The following ICE2 variants were observed in gnomAD, a reference collection of about 807,000 sequenced individuals.
ICE2 encodes interactor of little elongation complex ELL subunit 2, also known as little elongation complex subunit 2.
In ICE2, 87 loss-of-function variants were observed where a neutral mutation model predicts 105.4. The ratio of observed to expected loss-of-function variants is 0.83; its 90% confidence interval spans 0.69 to 0.99. ICE2 has a LOEUF of 0.99. Among genes scored for constraint, ICE2 ranks in the 50% least tolerant of loss-of-function variants. ICE2 has a pLI of 0.00. For synonymous variants in ICE2, 399 were observed against 392.0 expected, an observed-to-expected ratio of 1.02 and a Z score of -0.21; for missense variants, 1,323 against 1,146.7, an observed-to-expected ratio of 1.15 and a Z score of -2.22.
chr15:60,473,916 TC>T (rs747285909), intron 3 of ICE2, among the ~76,000 whole-genome samples: 32 of 152,082 alleles, frequency 2.1e-4, no homozygotes, highest in Non-Finnish European at 3.8e-4. Context: ...AAAAATTGTC[TC>T]TTTTTTTTGT....
intron 5 of ICE2, among the ~76,000 whole-genome samples, chr15:60,458,267 T>C (rs1401262376): frequency 1.3e-5 from 2 of 152,156 alleles, no homozygotes; most frequent in East Asian, 3.8e-4. Flanking sequence ...AGTTAAAAGA[T>C]TCAGGCTGTT....
Position 60,423,638 on chromosome 15 carries a change from G to C in ICE2, c.2945C>G (p.Thr982Ser). ...EGVAPHKRKI[T>S] is the part of the protein sequence containing the mutation. ...TAGTTTTCCATGGTACAGTCCTCAA[G>C]TTATTTTTCTTTTATGTGGAGCCAC... Residue 982 changes from threonine (T) to serine (S), a missense_variant, in exon 16 of 16, where the codon ACT becomes AGT. Physicochemically the swap from Thr to Ser is moderately conservative, Grantham distance 58 (BLOSUM62 1). Transcript: ENST00000261520. The C allele has an allele frequency of 6.2e-7, 1 of 1,606,096 alleles. No individual in the cohort carries two copies. The highest frequency in any genetic ancestry group is 8.5e-7 in the Non-Finnish European group (1 of 1,177,280).
At chr15:60,433,592 G>A (rs888284816) in intron 13 of ICE2, among the ~76,000 whole-genome samples, 1 of 151,834 alleles carries the variant, frequency 6.6e-6, no homozygotes, top group Non-Finnish European at 1.5e-5. Flanking sequence ...CTGGGTTCAA[G>A]CGATTCTCCT....
intron 14 of ICE2, among the ~76,000 whole-genome samples, chr15:60,429,685 G>A (rs1377624355): frequency 2.6e-5 from 4 of 152,040 alleles, no homozygotes; most frequent in South Asian, 4.1e-4. Flanking sequence ...AAACCTAATC[G>A]GTTACATTTT....
rs759181992 is a variant in ICE2 at position 60,449,066 on chromosome 15, G to C, written c.1901C>G (p.Pro634Arg). Residue 634 changes from proline (P) to arginine (R), a missense_variant, in exon 10 of 16, where the codon CCT (proline) becomes CGT (arginine). Transcript: ENST00000261520. ...SPEESCVLKK[P>R]IKRVYKKFDP... Reference sequence around the variant, plus strand: ...AAATTTTTTATATACTCGTTTGATAGGTTTTTTTAAAACACATGACTCTTC... The same window carrying C: ...AAATTTTTTATATACTCGTTTGATACGTTTTTTTAAAACACATGACTCTTC... 9.3e-6 allele frequency: 15 copies of C among 1,613,268 alleles called. No homozygotes were observed. In the Admixed American group the frequency reaches 1.0e-4, roughly 11 times the overall value.
At chr15:60,434,455 G>A (rs972555945) in intron 13 of ICE2, among the ~76,000 whole-genome samples, 1 of 151,662 alleles carries the variant, frequency 6.6e-6, no homozygotes, top group Non-Finnish European at 1.5e-5. Flanking sequence ...TGGAGATGGA[G>A]ATAATATAAA....
chr15:60,445,906 A>C (rs2032976110), intron 11 of ICE2: 1 of 340,492 alleles, frequency 2.9e-6, no homozygotes, highest in East Asian at 1.7e-4. Flanking sequence ...AACCTTGAAA[A>C]TACAATCTAT....
At chr15:60,454,909 T>C (rs2064061346) in intron 8 of ICE2, 94 bp downstream of exon 8, 2 of 1,143,634 alleles carry the variant, frequency 1.7e-6, no homozygotes, top group Non-Finnish European at 2.4e-6. Flanking sequence ...TCTGGGTCCA[T>C]GTGTTCTCAT....
intron 12 of ICE2, chr15:60,441,839 A>G (rs1423334647): frequency 1.3e-5 from 2 of 152,254 alleles, no homozygotes; most frequent in Non-Finnish European, 2.9e-5. Flanking sequence ...AACAAAAACA[A>G]AGGAAAAAGT....
intron 11 of ICE2, among the ~76,000 whole-genome samples, chr15:60,444,226 T>C (rs958688522): frequency 3.9e-5 from 6 of 152,138 alleles, no homozygotes; most frequent in African/African-American, 1.4e-4. Flanking sequence ...GTTAATTCCA[T>C]ATATTTAAAA....
At chr15:60,426,248 G>T (rs2063335673) in intron 15 of ICE2, among the ~76,000 whole-genome samples, 1 of 152,138 alleles carries the variant, frequency 6.6e-6, no homozygotes, top group East Asian at 1.9e-4. Flanking sequence ...ATCATCTAGT[G>T]ATGTCACAGC....
In ICE2 at chr15:60,422,928, C is replaced by T. The variant is rs1390179456; in HGVS notation, c.*706G>A. 2.0e-5 allele frequency: 3 copies of T among 152,460 alleles called. No homozygotes were observed. The highest frequency in any genetic ancestry group is 4.4e-5 in the Non-Finnish European group (3 of 68,028). 9.4% of individuals were successfully genotyped at this position (152,460 alleles called of 1,614,324 possible). ...TTTTTTCTGGAAAACATACCTATCT[C>T]TTTGCTTTCAGCAGTGTATTTCAAC... is the stretch of plus-strand genomic sequence containing the variant. On this transcript the variant is annotated 3_prime_UTR_variant, in exon 16 of 16. Transcript: ENST00000261520.
intron 8 of ICE2, chr15:60,454,761 A>C (rs567164313): frequency 8.2e-6 from 3 of 366,342 alleles, no homozygotes; most frequent in Non-Finnish European, 1.5e-5. Context: ...ATAGCTATAC[A>C]TGTGCCATGG....
At chr15:60,433,979 C>G (rs1000258485) in intron 13 of ICE2, among the ~76,000 whole-genome samples, 3 of 152,046 alleles carry the variant, frequency 2.0e-5, no homozygotes, top group African/African-American at 7.2e-5. Context: ...ATCTGGGACC[C>G]TTAAAAAACA....
intron 4 of ICE2, 56 bp from the exon 5 acceptor site, chr15:60,466,769 C>G: frequency 7.2e-7 from 1 of 1,390,196 alleles, no homozygotes; most frequent in Non-Finnish European, 9.9e-7. Flanking sequence ...TAAAAAGAAT[C>G]ACATTCTTAA....
chr15:60,449,035 T>C lies in ICE2; in HGVS notation c.1932A>G (p.Pro644=), dbSNP rs780354921. Residue 644 remains proline, a synonymous_variant, in exon 10 of 16, where the codon CCA becomes CCG. Coordinates refer to ENST00000261520, the MANE Select transcript of ICE2 (RefSeq NM_024611.6). ...CCTGCATTTTTAAAATCTCTCCAAC[T>C]GGATCAAATTTTTTATATACTCGTT... ...PIKRVYKKFD[P]VGEILKMQDE... The C allele has an allele frequency of 6.2e-7, 1 of 1,613,446 alleles. No individual in the cohort carries two copies. The highest frequency in any genetic ancestry group is 1.7e-5 in the Admixed American group (1 of 59,918).
chr15:60,428,667 A>G lies in ICE2; in HGVS notation c.2582T>C (p.Leu861Ser), dbSNP rs1368956461. ...KLSSLQEGSY[L>S]LSHAAEDSSL... Reference sequence around the variant, plus strand: ...AGAATCTTCTGCTGCATGAGATAACAAGTAGGAACCCTCCTGCAAGCTAAA... The same window carrying G: ...AGAATCTTCTGCTGCATGAGATAACGAGTAGGAACCCTCCTGCAAGCTAAA... Residue 861 changes from leucine to serine, a missense_variant, in exon 15 of 16, where the codon TTG becomes TCG. Leu to Ser is a moderately radical substitution (Grantham distance 145). Transcript: ENST00000261520. 1.2e-6 allele frequency: 2 copies of G among 1,613,922 alleles called. No homozygotes were observed. Among genetic ancestry groups the G allele is most frequent in the African/African-American group, 2.7e-5 (2 of 74,928 alleles).
At position 60,422,838 on chromosome 15, in the gene ICE2, C is replaced by CAAAAAAA. The variant is rs879847644; in HGVS notation, c.*789_*795dup. On this transcript the variant is annotated 3_prime_UTR_variant, in exon 16 of 16. Transcript: ENST00000261520. ...TGGGCAACAGAGCGAGACTCCATCT[C>CAAAAAAA]AAAAAAAAAAAAAAGCTTATGCTTT... 1 of 116,846 alleles carries CAAAAAAA rather than the reference C, an allele frequency of 8.6e-6. No individual in the cohort carries two copies. The highest frequency in any genetic ancestry group is 1.8e-5 in the Non-Finnish European group (1 of 54,344). 7.2% of individuals were successfully genotyped at this position (116,846 alleles called of 1,614,324 possible).
At chr15:60,453,984 G>A (rs1455982914) in intron 8 of ICE2, among the ~76,000 whole-genome samples, 200 bp from the exon 9 acceptor site, 2 of 152,204 alleles carry the variant, frequency 1.3e-5, no homozygotes, top group East Asian at 1.9e-4. Context: ...CAACTGGCAG[G>A]AGAAAAATGT....
Sources: allele counts gnomAD v4.1 joint callset (sites outside exome capture counted in the v4.1 genomes callset), GRCh38; gene constraint gnomAD v4.1.1; transcripts MANE v1.5; gene names NCBI Gene and HGNC (gene_info 2026-07-23, HGNC 2026-07-21).